The following GOLGA6L7 variants were observed in gnomAD, a reference collection of about 807,000 sequenced individuals.
GOLGA6L7 encodes golgin A6 family like 7.
In GOLGA6L7, 29 loss-of-function variants were observed where a neutral mutation model predicts 68.9. The ratio of observed to expected loss-of-function variants is 0.42; its 90% CI spans 0.31 to 0.57. The LOEUF is 0.57. Ranked by LOEUF, GOLGA6L7 falls within the 20% of genes least tolerant of loss-of-function variation. The pLI is 0.13. For synonymous variants in GOLGA6L7, 133 were observed against 197.4 expected (o/e 0.67, Z 2.73); for missense variants, 396 against 588.4 (o/e 0.67, Z 3.38).
intron 6 of GOLGA6L7, among the ~76,000 whole-genome samples, chr15:28,844,745 G>A (rs541154850): frequency 6.6e-6 from 1 of 151,958 alleles, no homozygotes; most frequent in Non-Finnish European, 1.5e-5. Flanking sequence ...TTTCTTGAGT[G>A]CTTCACCAGG....
Position 28,845,913 on chromosome 15 carries a change from C to G in GOLGA6L7, c.248G>C (p.Arg83Thr). ...KASHQHQQAL[R>T]RQLEAQDHTI... is the part of the protein sequence containing the mutation. The stretch of plus-strand genomic sequence containing the variant: ...CCCTCCACTCACCTCTAGCTGCCTC[C>G]TTAGGGCTTGCTGATGTTGGTGGCT... Residue 83 changes from arginine (R) to threonine (T), a missense_variant, in exon 4 of 9, where the codon AGG becomes ACG. Arg to Thr is a moderately conservative substitution (Grantham distance 71). Transcript: ENST00000567390. The G allele has an allele frequency of 7.8e-7, 1 of 1,282,086 alleles. No individual in the cohort carries two copies. The highest frequency in any genetic ancestry group is 1.1e-6 in the Non-Finnish European group (1 of 891,654). 79.4% of individuals were successfully genotyped at this position (1,282,086 alleles called of 1,614,324 possible).
intron 6 of GOLGA6L7, 103 bp downstream of exon 6, chr15:28,845,426 G>A (rs375505364): frequency 0.014 from 9,566 of 699,968 alleles, 379 homozygotes; most frequent in South Asian, 0.073. Flanking sequence ...GGCCCATGCT[G>A]TCTTCTGGGC....
At chr15:28,845,024 G>A (rs1361589746) in intron 6 of GOLGA6L7, 2 of 240,680 alleles carry the variant, frequency 8.3e-6, no homozygotes, top group Admixed American at 1.0e-4. Context: ...AACCTCAGAA[G>A]GTACAGAAGG....
chr15:28,844,868 T>C (rs543664778), intron 6 of GOLGA6L7: 6 of 174,554 alleles, frequency 3.4e-5, no homozygotes, highest in Non-Finnish European at 4.9e-5. Flanking sequence ...AGTGCTTGCC[T>C]AAGATCACTT....
chr15:28,844,164 A>G, intron 7 of GOLGA6L7, 41 bp downstream of exon 7: 2 of 435,086 alleles, frequency 4.6e-6, no homozygotes, highest in Non-Finnish European at 4.0e-6. Context: ...CACCCACGCT[A>G]AGGGCTCTCA....
At chr15:28,846,896 G>C in intron 2 of GOLGA6L7, 168 bp downstream of exon 2, 2 of 498,508 alleles carry the variant, frequency 4.0e-6, no homozygotes, top group South Asian at 2.5e-5. Context: ...CAAAGAGCTC[G>C]AGCAATTTTC....
rs764931956 is a variant in GOLGA6L7 at position 28,842,549 on chromosome 15, TCTC to T, written c.1552_1554del (p.Glu518del). The T allele has an allele frequency of 1.6e-4, 203 of 1,245,784 alleles. No individual in the cohort carries two copies. The highest frequency in any genetic ancestry group is 4.0e-4 in the Admixed American group (10 of 25,066). 77.2% of individuals were successfully genotyped at this position (1,245,784 alleles called of 1,614,324 possible). A position where few individuals can be genotyped will look rare whatever the true frequency, so the allele number is the denominator to read the frequency against. On this transcript the variant is annotated inframe_deletion, in exon 9 of 9. Coordinates refer to ENST00000567390, the MANE Select transcript of GOLGA6L7 (RefSeq NM_001365371.2). ...CTCTTCTCCACCTGCCTCCGGATCTTCTCCTCCTCCTCCTGCATCTTCTCATAC... is the reference window on the plus strand; with the variant it reads ...CTCTTCTCCACCTGCCTCCGGATCTTCTCCTCCTCCTGCATCTTCTCATAC...
intron 7 of GOLGA6L7, 105 bp from the exon 8 acceptor site, chr15:28,843,980 G>C (rs1455106948): frequency 1.6e-6 from 1 of 619,740 alleles, no homozygotes; most frequent in Non-Finnish European, 2.8e-6. Flanking sequence ...CGTGGCACTG[G>C]AAGGGACCCC....
In GOLGA6L7 at chr15:28,844,190, C is replaced by T. The variant is rs964584900; in HGVS notation, c.521+15G>A. 1.0e-5 allele frequency: 5 copies of T among 495,312 alleles called. No individual in the cohort carries two copies. The highest frequency in any genetic ancestry group is 7.9e-5 in the South Asian group (2 of 25,176). The allele number at this position is 495,312 out of a possible 1,614,324, so 30.7% of individuals were successfully genotyped here. On this transcript the variant is annotated intron_variant, in intron 7 of 8. Transcript: ENST00000567390. Reference sequence around the variant, plus strand: ...AGGGCTCTCAGACCTCCCATCCCCCCCTCCCCTATCCTACATGTTCCTGAA... The same window carrying T: ...AGGGCTCTCAGACCTCCCATCCCCCTCTCCCCTATCCTACATGTTCCTGAA...
rs1379610310 is a variant in GOLGA6L7 at position 28,846,214 on chromosome 15, T to C, written c.210+6A>G. Reference sequence around the variant, plus strand: ...ATGTCGTGAGCAAAGAAAGAAACCATGTTACCTCTTTCAGCTGAGCTCGGT... The same window carrying C: ...ATGTCGTGAGCAAAGAAAGAAACCACGTTACCTCTTTCAGCTGAGCTCGGT... On this transcript the variant is annotated splice_donor_region_variant and intron_variant, in intron 3 of 8. Coordinates refer to ENST00000567390, the MANE Select transcript of GOLGA6L7 (RefSeq NM_001365371.2). 1.2e-5 allele frequency: 9 copies of C among 761,348 alleles called. No homozygotes were observed. The highest frequency in any genetic ancestry group is 4.9e-5 in the East Asian group (2 of 40,796). 47.2% of individuals were successfully genotyped at this position (761,348 alleles called of 1,614,324 possible).
At position 28,845,601 on chromosome 15, in the gene GOLGA6L7, A is replaced by C. The variant is rs1369933177; in HGVS notation, c.390T>G (p.His130Gln). 2 of 789,782 alleles carry C rather than the reference A, an allele frequency of 2.5e-6. No individual in the cohort carries two copies. The highest frequency in any genetic ancestry group is 2.2e-6 in the Non-Finnish European group (1 of 460,522). 48.9% of individuals were successfully genotyped at this position (789,782 alleles called of 1,614,324 possible). Residue 130 changes from histidine (H) to glutamine (Q), a missense_variant, in exon 6 of 9, where the codon CAT becomes CAG. This residue lies in a region of GOLGA6L7 where 125 missense variants were observed against 119.4 expected (regional missense o/e 1.05). Coordinates refer to ENST00000567390, the MANE Select transcript of GOLGA6L7 (RefSeq NM_001365371.2). ...GTAACTCTCCTGCAAAGTGCCAGGA[A>C]TGATGCAGGCGGGCTGCCAGATCCT... ...DSKDLAARLHHSWHFAGELQR... is the reference protein window; with the variant it reads ...DSKDLAARLHQSWHFAGELQR...
intron 1 of GOLGA6L7, among the ~76,000 whole-genome samples, chr15:28,847,664 TA>T (rs1265494916): frequency 6.6e-6 from 1 of 152,270 alleles, no homozygotes; most frequent in Admixed American, 6.5e-5. Context: ...CTAAGAACAT[TA>T]ATGTTTTGTG....
chr15:28,844,651 A>C (rs1018198626), intron 6 of GOLGA6L7, among the ~76,000 whole-genome samples: 2 of 149,458 alleles, frequency 1.3e-5, no homozygotes, highest in Non-Finnish European at 2.9e-5. Flanking sequence ...AAAGAGACTG[A>C]ATTGATAGCT....
chr15:28,844,262 T>C lies in GOLGA6L7; in HGVS notation c.464A>G (p.Tyr155Cys). 2 of 485,318 alleles carry C rather than the reference T, an allele frequency of 4.1e-6. No individual in the cohort carries two copies. The highest frequency in any genetic ancestry group is 7.1e-6 in the Non-Finnish European group (2 of 281,666). The allele number at this position is 485,318 out of a possible 1,614,324, so 30.1% of individuals were successfully genotyped here. Residue 155 changes from tyrosine (Y) to cysteine (C), a missense_variant and splice_region_variant, in exon 7 of 9, where the codon TAC (tyrosine) becomes TGC (cysteine). Physicochemically the swap from Tyr to Cys is radical, Grantham distance 194. Around this residue, in one of 5 missense-constraint regions of GOLGA6L7, gnomAD observed 125 missense variants for 119.4 expected, o/e 1.05. Coordinates refer to ENST00000567390, the MANE Select transcript of GOLGA6L7 (RefSeq NM_001365371.2). ...MSAEHERADK[Y>C]IKELTKEREA... is the part of the protein sequence containing the mutation. Reference sequence around the variant, plus strand: ...CCTCTCCTTTGTTAACTCCTTGATGTACTGCAAACAGAGAAAGGTCAAGTC... The same window carrying C: ...CCTCTCCTTTGTTAACTCCTTGATGCACTGCAAACAGAGAAAGGTCAAGTC...
intron 1 of GOLGA6L7, 114 bp downstream of exon 1, chr15:28,848,385 G>A (rs1452938566): frequency 3.1e-6 from 2 of 648,338 alleles, no homozygotes; most frequent in Non-Finnish European, 5.6e-6. Context: ...AGGCACTGGG[G>A]GGGGCCCGGC....
chr15:28,843,581 T>G, intron 8 of GOLGA6L7, 141 bp from the exon 9 acceptor site: 1 of 474,228 alleles, frequency 2.1e-6, no homozygotes, highest in Non-Finnish European at 3.6e-6. Flanking sequence ...AATTTGTAGA[T>G]TTTTAGCACA....
chr15:28,844,618 CAGTA>C (rs1346849463), intron 6 of GOLGA6L7, among the ~76,000 whole-genome samples: 12 of 151,820 alleles, frequency 7.9e-5, no homozygotes, highest in Non-Finnish European at 1.8e-4. Context: ...TCGGAGAACT[CAGTA>C]AGGGTGGAAG....
In GOLGA6L7 at chr15:28,842,974, C is replaced by T. The variant is rs1472680930; in HGVS notation, c.1130G>A (p.Arg377Gln). Residue 377 changes from arginine (R) to glutamine (Q), a missense_variant, in exon 9 of 9, where the codon CGG (arginine) becomes CAG (glutamine). By Grantham distance (43) the Arg-to-Gln change is conservative. Coordinates refer to ENST00000567390, the MANE Select transcript of GOLGA6L7 (RefSeq NM_001365371.2). ...EQIGEQEEQM[R>Q]KQEEQMWKQE... ...CTTCCACATCTGCTCCTCCTGCTTC[C>T]GCATCTGCTCCTCCTGCTCCCCTAT... 45 of 1,211,204 alleles carry T rather than the reference C, an allele frequency of 3.7e-5. 2 individuals carry two copies. The highest frequency in any genetic ancestry group is 3.1e-4 in the Middle Eastern group (1 of 3,194). 75.0% of individuals were successfully genotyped at this position (1,211,204 alleles called of 1,614,324 possible). A position where few individuals can be genotyped will look rare whatever the true frequency, so the allele number is the denominator to read the frequency against.
chr15:28,843,744 G>A lies in GOLGA6L7; in HGVS notation c.653C>T (p.Pro218Leu), dbSNP rs1429614690. 2.6e-5 allele frequency: 17 copies of A among 655,550 alleles called. No homozygotes were observed. Among genetic ancestry groups the A allele is most frequent in the East Asian group, 2.2e-4 (8 of 37,030 alleles). 40.6% of individuals were successfully genotyped at this position (655,550 alleles called of 1,614,324 possible). A position where few individuals can be genotyped will look rare whatever the true frequency, so the allele number is the denominator to read the frequency against. ...GCTGCCGCCGCTCACCTGTGGCAGC[G>A]GGATTTTGTCCGTCTCCAGTTTCCT... ...LKRKLETDKI[P>L]LPQVQTNTLQ... Residue 218 changes from proline to leucine, a missense_variant, in exon 8 of 9, where the codon CCG becomes CTG. Pro to Leu is a moderately conservative substitution (Grantham distance 98). Coordinates refer to ENST00000567390, the MANE Select transcript of GOLGA6L7 (RefSeq NM_001365371.2).
Sources: allele counts gnomAD v4.1 joint callset (sites outside exome capture counted in the v4.1 genomes callset), GRCh38; gene constraint gnomAD v4.1.1; regional missense constraint gnomAD v4.1.1; transcripts MANE v1.5; gene names NCBI Gene and HGNC (gene_info 2026-07-23, HGNC 2026-07-21).